The following GYS1 variants were observed in gnomAD, a reference collection of about 807,000 sequenced individuals.
GYS1 encodes glycogen synthase 1.
In GYS1, 60 loss-of-function variants were observed where a neutral mutation model predicts 89.1. The ratio of observed to expected loss-of-function variants is 0.67; its 90% CI spans 0.55 to 0.84. The LOEUF (loss-of-function observed/expected upper bound fraction) is 0.84. Among genes scored for constraint, GYS1 ranks in the 40% least tolerant of loss-of-function variants. The pLI is 0.00. For synonymous variants in GYS1, 366 were observed against 401.7 expected (o/e 0.91, Z 1.06); for missense variants, 888 against 1,003.1 (o/e 0.89, Z 1.55).
At chr19:48,982,652 C>A in intron 6 of GYS1, 68 bp downstream of exon 6, 1 of 1,178,552 alleles carries the variant, frequency 8.5e-7, no homozygotes, top group Non-Finnish European at 1.3e-6. Flanking sequence ...CTGCCCCCTC[C>A]CCCAGACCTA....
chr19:48,990,525 A>G (rs2122537416), intron 2 of GYS1, among the ~76,000 whole-genome samples: 1 of 152,158 alleles, frequency 6.6e-6, no homozygotes, highest in East Asian at 1.9e-4. Flanking sequence ...CTCACTCTCC[A>G]AGCTTGGCTG....
chr19:48,977,899 C>T, intron 10 of GYS1, 25 bp downstream of exon 10: 4 of 1,586,378 alleles, frequency 2.5e-6, no homozygotes, highest in Non-Finnish European at 2.6e-6. Flanking sequence ...ACTGCTATCT[C>T]TCTGCACAGA....
intron 14 of GYS1, chr19:48,970,161 T>G (rs989197210): frequency 1.4e-5 from 7 of 486,554 alleles, no homozygotes; most frequent in Non-Finnish European, 2.6e-5. Context: ...CTTGTTCTGT[T>G]ACTCTAGGAT....
Position 48,993,213 on chromosome 19 carries a change from C to T in GYS1, c.-101G>A, listed in dbSNP as rs750310062. Reference sequence around the variant, plus strand: ...GGTGCGGGGCCGAGTAGCTGGTGCCCGACGGGAAGCTTGCAAGACGCTCGG... The same window carrying T: ...GGTGCGGGGCCGAGTAGCTGGTGCCTGACGGGAAGCTTGCAAGACGCTCGG... On this transcript the variant is annotated 5_prime_UTR_variant, in exon 1 of 16. Transcript: ENST00000323798. The T allele has an allele frequency of 5.1e-6, 4 of 776,932 alleles. No individual in the cohort carries two copies. The highest frequency in any genetic ancestry group is 7.0e-6 in the Non-Finnish European group (3 of 426,758). 48.1% of individuals were successfully genotyped at this position (776,932 alleles called of 1,614,324 possible). A position where few individuals can be genotyped will look rare whatever the true frequency, so the allele number is the denominator to read the frequency against.
chr19:48,975,983 AC>A (rs1421052480), intron 10 of GYS1, among the ~76,000 whole-genome samples: 1 of 151,916 alleles, frequency 6.6e-6, no homozygotes, highest in African/African-American at 2.4e-5. Context: ...GCCCAAAGAA[AC>A]CACAATTTCC....
At chr19:48,982,177 G>T in intron 7 of GYS1, 78 bp downstream of exon 7, 2 of 1,456,626 alleles carry the variant, frequency 1.4e-6, no homozygotes, top group Non-Finnish European at 1.9e-6. Flanking sequence ...ACAGGTGTGA[G>T]CCACTGTGCC....
chr19:48,981,727 C>T lies in GYS1; in HGVS notation c.1063-91G>A. 3.8e-6 allele frequency: 3 copies of T among 792,722 alleles called. No homozygotes were observed. In the Admixed American group the frequency reaches 5.8e-5, roughly 15 times the overall value. The allele number at this position is 792,722 out of a possible 1,614,324, so 49.1% of individuals were successfully genotyped here. A position where few individuals can be genotyped will look rare whatever the true frequency, so the allele number is the denominator to read the frequency against. On this transcript the variant is annotated intron_variant, in intron 7 of 15. Transcript: ENST00000323798. Reference sequence around the variant, plus strand: ...TCTGTCAAGACCACTGGGATCCTGCCATACCCATTCCTGTCAAGGAGAATT... The same window carrying T: ...TCTGTCAAGACCACTGGGATCCTGCTATACCCATTCCTGTCAAGGAGAATT...
intron 2 of GYS1, among the ~76,000 whole-genome samples, chr19:48,988,726 C>T (rs578150417): frequency 6.6e-6 from 1 of 152,212 alleles, no homozygotes; most frequent in South Asian, 2.1e-4. Context: ...GCAATCCTTC[C>T]ACCGCAGCTT....
chr19:48,987,344 C>T lies in GYS1; in HGVS notation c.342G>A (p.Val114=). ...CTGAGGCACCCACGTCCAGGAGCAC[C>T]ACCAGAGGGCCTCCCTCGATCAGCC... is the stretch of plus-strand genomic sequence containing the variant. ...GRWLIEGGPL[V]VLLDVGASAW... Residue 114 remains valine, a synonymous_variant, in exon 3 of 16, where the codon GTG becomes GTA. Coordinates refer to ENST00000323798, the MANE Select transcript of GYS1 (RefSeq NM_002103.5). 1 of 1,611,226 alleles carries T rather than the reference C, an allele frequency of 6.2e-7. No individual in the cohort carries two copies. The highest frequency in any genetic ancestry group is 1.1e-5 in the South Asian group (1 of 90,486).
Position 48,969,303 on chromosome 19 carries a change from G to T in GYS1, c.2199C>A (p.Gly733=). Residue 733 remains glycine, a synonymous_variant, in exon 16 of 16, where the codon GGC becomes GGA. Coordinates refer to ENST00000323798, the MANE Select transcript of GYS1 (RefSeq NM_002103.5). The part of the protein sequence containing the change: ...SEPLSPTSSL[G]EERN ...TGGGGCGGACTTAGTTACGCTCCTC[G>T]CCCAGGGAGCTGGTGGGGCTGAGGG... The T allele has an allele frequency of 6.4e-7, 1 of 1,564,672 alleles. No homozygotes were observed. The highest frequency in any genetic ancestry group is 8.6e-7 in the Non-Finnish European group (1 of 1,162,726).
At chr19:48,975,728 C>T (rs2038635918) in intron 10 of GYS1, among the ~76,000 whole-genome samples, 1 of 151,592 alleles carries the variant, frequency 6.6e-6, no homozygotes, top group African/African-American at 2.4e-5. Flanking sequence ...GAGATCGAGA[C>T]CATCCTGGCT....
At position 48,991,109 on chromosome 19, in the gene GYS1, C is replaced by T. The variant is rs944720441; in HGVS notation, c.300+193G>A. 1.3e-5 allele frequency among the ~76,000 whole-genome samples: 2 copies of T among 152,210 alleles called. No individual in the cohort carries two copies. Among genetic ancestry groups the T allele is most frequent in the Non-Finnish European group, 2.9e-5 (2 of 68,040 alleles). ...TACTTGCCATCTGTCTGTCCATTCG[C>T]CCATGTCTGGGATCCACCCACCCAC... On this transcript the variant is annotated intron_variant, in intron 2 of 15. Transcript: ENST00000323798. The surrounding 1 kb of genome is among the most constrained non-coding windows in gnomAD (Gnocchi z 4.7).
At chr19:48,975,311 C>T (rs550517105) in intron 10 of GYS1, among the ~76,000 whole-genome samples, 7 of 149,984 alleles carry the variant, frequency 4.7e-5, no homozygotes, top group South Asian at 2.1e-4. Context: ...TGGGCTCAAG[C>T]GATGCATCCG....
At chr19:48,982,483 G>A in intron 6 of GYS1, 108 bp from the exon 7 acceptor site, 2 of 1,336,876 alleles carry the variant, frequency 1.5e-6, no homozygotes, top group African/African-American at 1.4e-5. Flanking sequence ...GGATGTCTTA[G>A]GTAATACAGA....
At chr19:48,969,699 C>T in intron 15 of GYS1, 76 bp downstream of exon 15, 1 of 1,578,266 alleles carries the variant, frequency 6.3e-7, no homozygotes, top group Non-Finnish European at 8.7e-7. Flanking sequence ...GGCCTTCCCA[C>T]TCCAGGAGGG....
At position 48,981,538 on chromosome 19, in the gene GYS1, T is replaced by C. The variant is rs746822393; in HGVS notation, c.1161A>G (p.Lys387=). 3 of 1,604,826 alleles carry C rather than the reference T, an allele frequency of 1.9e-6. No homozygotes were observed. In the East Asian group the frequency reaches 6.7e-5, roughly 36 times the overall value. Residue 387 remains lysine (K), a synonymous_variant, in exon 8 of 16, where the codon AAA becomes AAG. Transcript: ENST00000323798. ...VETLKGQAVR[K]QLWDTANTVK... ...GAGCGAGGGCTGCTAACCAAAGCTGTTTGCGCACAGCTTGGCCTTTGAGGG... is the reference window on the plus strand; with the variant it reads ...GAGCGAGGGCTGCTAACCAAAGCTGCTTGCGCACAGCTTGGCCTTTGAGGG...
intron 2 of GYS1, among the ~76,000 whole-genome samples, chr19:48,990,517 C>T (rs2038910207): frequency 6.6e-6 from 1 of 152,196 alleles, no homozygotes; most frequent in African/African-American, 2.4e-5. Context: ...CTGTCCCCCT[C>T]ACTCTCCAAG....
In GYS1 at chr19:48,969,003, G is replaced by A; in HGVS notation, c.*285C>T. The A allele has an allele frequency of 1.6e-6, 1 of 639,760 alleles. No homozygotes were observed. Among genetic ancestry groups the A allele is most frequent in the Non-Finnish European group, 2.9e-6 (1 of 346,550 alleles). 39.6% of individuals were successfully genotyped at this position (639,760 alleles called of 1,614,324 possible). On this transcript the variant is annotated 3_prime_UTR_variant, in exon 16 of 16. Transcript: ENST00000323798. ...CTAAAACCTCTGGCACCACCGCAGAGTAATGGCAGATTCCTGGCCTCTGGG... is the reference window on the plus strand; with the variant it reads ...CTAAAACCTCTGGCACCACCGCAGAATAATGGCAGATTCCTGGCCTCTGGG...
chr19:48,972,456 G>T (rs1189831986), intron 12 of GYS1, among the ~76,000 whole-genome samples: 10 of 151,886 alleles, frequency 6.6e-5, no homozygotes, highest in Admixed American at 6.6e-4. Flanking sequence ...TTATAGGTGT[G>T]AGCCACTGCC....
Sources: allele counts gnomAD v4.1 joint callset (sites outside exome capture counted in the v4.1 genomes callset), GRCh38; gene constraint gnomAD v4.1.1; non-coding constraint Gnocchi (gnomAD v3.1); transcripts MANE v1.5; gene names NCBI Gene and HGNC (gene_info 2026-07-23, HGNC 2026-07-21).